The following UBE3A variants were observed in gnomAD, a reference collection of about 807,000 sequenced individuals.
UBE3A encodes the protein ubiquitin protein ligase E3A, also known as ubiquitin-protein ligase E3A.
UBE3A carries 6 observed loss-of-function variants against 83.4 expected under a neutral mutation model. The observed-to-expected ratio is 0.07, with a 90% CI of 0.04 to 0.14. UBE3A has a LOEUF of 0.14. Among genes scored for constraint, UBE3A ranks in the 10% least tolerant of loss-of-function variants. The pLI, the probability that UBE3A is intolerant of heterozygous loss-of-function variation, is 1.00. For synonymous variants in UBE3A, 337 were observed against 355.4 expected (o/e 0.95, Z 0.58); for missense variants, 456 against 1,036.1 (o/e 0.44, Z 7.69).
At chr15:25,430,513 C>T (rs1379624802) in intron 1 of UBE3A, among the ~76,000 whole-genome samples, 1 of 150,862 alleles carries the variant, frequency 6.6e-6, no homozygotes. Flanking sequence ...CCTCGTTCCA[C>T]CTCCCCTCCT....
intron 1 of UBE3A, chr15:25,412,887 T>C (rs948436291): frequency 3.4e-6 from 1 of 294,488 alleles, no homozygotes; most frequent in African/African-American, 2.3e-5. Context: ...TGCAACTACT[T>C]GGGCTCTACT....
At chr15:25,407,046 C>G (rs59229274) in intron 3 of UBE3A, 2 of 1,335,368 alleles carry the variant, frequency 1.5e-6, no homozygotes, top group South Asian at 1.2e-5. Context: ...AGGGAGCAAG[C>G]AAATCACCTA....
intron 1 of UBE3A, among the ~76,000 whole-genome samples, chr15:25,420,339 T>G (rs1889162762): frequency 6.6e-6 from 1 of 151,956 alleles, no homozygotes; most frequent in Non-Finnish European, 1.5e-5. Context: ...GGACACAACT[T>G]TAAAGACTTT....
chr15:25,349,433 C>G (rs1174725610), intron 11 of UBE3A, among the ~76,000 whole-genome samples: 2 of 151,912 alleles, frequency 1.3e-5, no homozygotes, highest in African/African-American at 4.8e-5. Flanking sequence ...TTCTGCTCAC[C>G]AGAAGACACT....
At chr15:25,356,095 C>G in intron 8 of UBE3A, 39 bp from the exon 9 acceptor site, 1 of 1,599,206 alleles carries the variant, frequency 6.3e-7, no homozygotes, top group Non-Finnish European at 8.6e-7. Flanking sequence ...CACCATAGAA[C>G]TACAAAATAC....
chr15:25,393,729 G>C (rs925824707), intron 4 of UBE3A: 1 of 152,186 alleles, frequency 6.6e-6, no homozygotes, highest in Non-Finnish European at 1.5e-5. Context: ...CTGTGAACTA[G>C]AAGTATGTTT....
chr15:25,369,558 GACA>G (rs1456327923), intron 6 of UBE3A, among the ~76,000 whole-genome samples: 1 of 151,916 alleles, frequency 6.6e-6, no homozygotes, highest in Admixed American at 6.6e-5. Context: ...GTCTGTGTCA[GACA>G]ACTTTACTAG....
At chr15:25,365,608 C>A (rs1244505698) in intron 6 of UBE3A, among the ~76,000 whole-genome samples, 1 of 151,822 alleles carries the variant, frequency 6.6e-6, no homozygotes, top group Non-Finnish European at 1.5e-5. Flanking sequence ...ATTAGCTGGG[C>A]ATGGTGGCAG....
chr15:25,387,276 C>G (rs1300184714), intron 4 of UBE3A, among the ~76,000 whole-genome samples: 14 of 152,190 alleles, frequency 9.2e-5, no homozygotes, highest in Non-Finnish European at 1.9e-4. Flanking sequence ...AATCCCAGCA[C>G]TTTGGGAGGC....
rs1012002346 is a variant in UBE3A at position 25,400,727 on chromosome 15, T to C, written c.62+4734A>G. On this transcript the variant is annotated intron_variant, in intron 4 of 12. Coordinates refer to ENST00000648336, the MANE Select transcript of UBE3A (RefSeq NM_130839.5). Reference sequence around the variant, plus strand: ...CTGGTGGAGTCTTTAGGTTTTTCTATATACAAGATCATGTCATCTTCAAAC... The same window carrying C: ...CTGGTGGAGTCTTTAGGTTTTTCTACATACAAGATCATGTCATCTTCAAAC... Among the ~76,000 whole-genome samples the C allele has an allele frequency of 6.6e-5, 10 of 152,206 alleles. 1 individual carries two copies. The highest frequency in any genetic ancestry group is 3.3e-4 in the Admixed American group (5 of 15,280).
chr15:25,379,183 A>T (rs10162768), intron 4 of UBE3A, among the ~76,000 whole-genome samples: 9,493 of 152,184 alleles, frequency 0.062, 738 homozygotes, highest in African/African-American at 0.18. Context: ...TAAATGTGTT[A>T]ATATATATAA....
chr15:25,365,859 T>C (rs1399595914), intron 6 of UBE3A, among the ~76,000 whole-genome samples: 40 of 152,184 alleles, frequency 2.6e-4, no homozygotes, highest in Non-Finnish European at 2.9e-5. Context: ...AATTAATTTT[T>C]TCATGTTCAC....
chr15:25,339,905 T>C, intron 12 of UBE3A, 180 bp downstream of exon 12: 2 of 780,148 alleles, frequency 2.6e-6, no homozygotes, highest in Non-Finnish European at 4.1e-6. Context: ...ACTAGGGCAA[T>C]TTCTTAAAAG....
intron 4 of UBE3A, among the ~76,000 whole-genome samples, chr15:25,393,133 C>T (rs560940490): frequency 1.8e-4 from 28 of 151,930 alleles, no homozygotes; most frequent in Admixed American, 3.3e-4. Context: ...GCAAGCAATC[C>T]AGTTAGGTAA....
chr15:25,359,983 C>T (rs1245414021), intron 7 of UBE3A, among the ~76,000 whole-genome samples: 1 of 152,154 alleles, frequency 6.6e-6, no homozygotes, highest in African/African-American at 2.4e-5. Flanking sequence ...GCATGACATA[C>T]TTGTGAGACA....
intron 1 of UBE3A, among the ~76,000 whole-genome samples, chr15:25,424,562 GA>G (rs1489210877): frequency 9.2e-5 from 14 of 151,996 alleles, no homozygotes; most frequent in Non-Finnish European, 1.2e-4. Context: ...CCAGGACCTA[GA>G]AAAAAAGGCC....
At chr15:25,407,723 C>G (rs1454931006) in intron 3 of UBE3A, 3 of 152,114 alleles carry the variant, frequency 2.0e-5, no homozygotes, top group African/African-American at 7.2e-5. Flanking sequence ...ATAAATCTGT[C>G]CTGGGTCTAT....
At chr15:25,418,774 C>T (rs1888236339) in intron 1 of UBE3A, 1 of 152,086 alleles carries the variant, frequency 6.6e-6, no homozygotes, top group South Asian at 2.1e-4. Flanking sequence ...GTAACACTGT[C>T]ATTTTTTCAT....
At chr15:25,352,447 G>T (rs1311029007) in intron 11 of UBE3A, among the ~76,000 whole-genome samples, 2 of 152,110 alleles carry the variant, frequency 1.3e-5, no homozygotes, top group African/African-American at 2.4e-5. Flanking sequence ...GTTTCCCAGT[G>T]CTTATAAAAG....
Sources: allele counts gnomAD v4.1 joint callset (sites outside exome capture counted in the v4.1 genomes callset), GRCh38; gene constraint gnomAD v4.1.1; transcripts MANE v1.5; gene names NCBI Gene and HGNC (gene_info 2026-07-23, HGNC 2026-07-21).